Variants in FNIP1 observed in about 807,000 individuals in gnomAD.
The protein encoded by FNIP1 is folliculin interacting protein 1.
A neutral mutation model predicts 124.5 loss-of-function variants in FNIP1; 40 were observed. That is an observed-to-expected ratio of 0.32 (90% CI 0.25 to 0.42). The LOEUF (loss-of-function observed/expected upper bound fraction) is 0.42, where lower values mean the gene tolerates loss of function less well. FNIP1 is among the 10% of genes least tolerant of loss of function. The pLI is 1.00. For missense variants in FNIP1, 1,176 were observed against 1,403.7 expected (o/e 0.84, Z 2.59); for synonymous variants, 472 against 470.6 (o/e 1.00, Z -0.04).
At chr5:131,666,116 T>C (rs932258312) in intron 15 of FNIP1, among the ~76,000 whole-genome samples, 3 of 151,926 alleles carry the variant, frequency 2.0e-5, no homozygotes, top group Admixed American at 1.3e-4. Context: ...CTTGATTTCC[T>C]GACCTCATGA....
At chr5:131,701,251 T>C (rs1768892681) in intron 10 of FNIP1, among the ~76,000 whole-genome samples, 1 of 152,222 alleles carries the variant, frequency 6.6e-6, no homozygotes. Flanking sequence ...GAAAAAATTA[T>C]CTTCTACAAA....
rs564543395 is a variant in FNIP1, at chr5:131,774,202, T to C, written c.92+22628A>G. Among the ~76,000 whole-genome samples, 8 of 152,204 alleles carry C rather than the reference T, an allele frequency of 5.3e-5. No homozygotes were observed. In the South Asian group the frequency reaches 1.2e-3, roughly 24 times the overall value. Reference sequence around the variant, plus strand: ...CCACCATGTCCAACTAATTGTTTTATATTTTGTAGAGACAAAGTTCTCACT... The same window carrying C: ...CCACCATGTCCAACTAATTGTTTTACATTTTGTAGAGACAAAGTTCTCACT... On this transcript the variant is annotated intron_variant, in intron 1 of 17. Transcript: ENST00000510461.
intron 1 of FNIP1, among the ~76,000 whole-genome samples, chr5:131,775,358 A>G (rs961867645): frequency 7.2e-5 from 11 of 152,268 alleles, no homozygotes; most frequent in Non-Finnish European, 1.5e-4. Flanking sequence ...GTAAACATTT[A>G]TCAGTATATA....
chr5:131,762,740 G>C (rs544873976), intron 1 of FNIP1, among the ~76,000 whole-genome samples: 2 of 152,078 alleles, frequency 1.3e-5, no homozygotes, highest in Non-Finnish European at 2.9e-5. Flanking sequence ...CAATCCCACT[G>C]CTAAGCATAT....
Position 131,731,022 on chromosome 5 carries a change from G to C in FNIP1, c.236C>G (p.Ala79Gly), listed in dbSNP as rs1286055420. The C allele has an allele frequency of 2.5e-6, 4 of 1,611,844 alleles. No individual in the cohort carries two copies. Among genetic ancestry groups the C allele is most frequent in the Admixed American group, 1.7e-5 (1 of 59,486 alleles). ...GCATTTCCCAAAGACTTTAACTTGA[G>C]CATCACTGCCGAGTTTCTGAAATAA... ...DISVSKLGSD[A>G]QVKVFGKCCQ... is the part of the protein sequence containing the mutation. The change falls in exon 3 of 18, where the codon GCT becomes GGT. Residue 79 changes from alanine to glycine, a missense_variant. Physicochemically the swap from Ala to Gly is moderately conservative, Grantham distance 60. Transcript: ENST00000510461.
At chr5:131,707,231 A>C (rs1769143148) in intron 8 of FNIP1, among the ~76,000 whole-genome samples, 1 of 152,182 alleles carries the variant, frequency 6.6e-6, no homozygotes, top group African/African-American at 2.4e-5. Flanking sequence ...TAAGAGCTAC[A>C]ACTGCTGATT....
In FNIP1 at chr5:131,679,037, G is replaced by T; in HGVS notation, c.1341C>A (p.Ser447=). Reference sequence around the variant, plus strand: ...AATAAATAAATTCATACTGATTTTTGGAAGCATTTTCCATTAGAAAGGTGA... The same window carrying T: ...AATAAATAAATTCATACTGATTTTTTGAAGCATTTTCCATTAGAAAGGTGA... ...KEFTFLMENA[S]KNQFLPALIT... is the part of the protein sequence containing the mutation. The change falls in exon 12 of 18, where the codon TCC becomes TCA. Residue 447 remains serine, a synonymous_variant. Coordinates refer to ENST00000510461, the MANE Select transcript of FNIP1 (RefSeq NM_133372.3). 1 of 1,601,244 alleles carries T rather than the reference G, an allele frequency of 6.2e-7. No homozygotes were observed. The highest frequency in any genetic ancestry group is 8.5e-7 in the Non-Finnish European group (1 of 1,175,566).
At chr5:131,777,050 A>G (rs1246355725) in intron 1 of FNIP1, among the ~76,000 whole-genome samples, 2 of 152,104 alleles carry the variant, frequency 1.3e-5, no homozygotes, top group Non-Finnish European at 2.9e-5. Context: ...GAAGCAACAT[A>G]GCGAGACTCT....
chr5:131,657,736 C>CAAAA (rs59097834), intron 15 of FNIP1, among the ~76,000 whole-genome samples: 816 of 64,950 alleles, frequency 0.013, 85 homozygotes, highest in Middle Eastern at 0.036. Context: ...GAAAATAAGG[C>CAAAA]AAAAAAAAAA....
chr5:131,670,578 C>G lies in FNIP1; in HGVS notation c.2993G>C (p.Arg998Thr), dbSNP rs755416044. ...TGAGCAGTAGCCACCCAGCAAGGAC[C>G]TCCCGAAGTTGGCAATGTTGGGCTG... ...AVQPNIANFGRSLLGGYCSSY... is the reference protein window; with the variant it reads ...AVQPNIANFGTSLLGGYCSSY... Residue 998 changes from arginine to threonine, a missense_variant, in exon 15 of 18, where the codon AGG becomes ACG. Around this residue, in one of 2 missense-constraint regions of FNIP1, gnomAD observed 1,109 missense variants for 1,288.5 expected, o/e 0.86. Coordinates refer to ENST00000510461, the MANE Select transcript of FNIP1 (RefSeq NM_133372.3). 2 of 1,613,620 alleles carry G rather than the reference C, an allele frequency of 1.2e-6. No homozygotes were observed. The highest frequency in any genetic ancestry group is 1.7e-4 in the Middle Eastern group (1 of 6,060).
chr5:131,696,220 G>T (rs1021844776), intron 11 of FNIP1, among the ~76,000 whole-genome samples: 3 of 152,130 alleles, frequency 2.0e-5, no homozygotes, highest in Non-Finnish European at 4.4e-5. Context: ...AAAGTAGACT[G>T]TACATCAGGA....
chr5:131,705,904 T>C (rs755432138), intron 9 of FNIP1, among the ~76,000 whole-genome samples: 8 of 152,210 alleles, frequency 5.3e-5, no homozygotes, highest in Middle Eastern at 3.2e-3. Flanking sequence ...CAACGGAATG[T>C]TATTCAGTCA....
chr5:131,709,528 T>C (rs1769222081), intron 7 of FNIP1, among the ~76,000 whole-genome samples: 1 of 152,152 alleles, frequency 6.6e-6, no homozygotes, highest in Non-Finnish European at 1.5e-5. Context: ...AAAGTCATAT[T>C]TTGGAAGCAT....
At chr5:131,719,537 A>G (rs980185832) in intron 3 of FNIP1, 120 bp from the exon 4 acceptor site, 3 of 854,594 alleles carry the variant, frequency 3.5e-6, no homozygotes, top group Non-Finnish European at 5.4e-6. Context: ...GTACTTCTAC[A>G]CTGTATACGC....
chr5:131,757,488 T>C (rs1771087381), intron 1 of FNIP1, among the ~76,000 whole-genome samples: 1 of 152,086 alleles, frequency 6.6e-6, no homozygotes, highest in Non-Finnish European at 1.5e-5. Context: ...ATAGGCCTCA[T>C]AAAGAACAGG....
intron 6 of FNIP1, among the ~76,000 whole-genome samples, chr5:131,711,850 A>G (rs1022965143): frequency 2.6e-5 from 4 of 152,222 alleles, no homozygotes; most frequent in African/African-American, 9.7e-5. Flanking sequence ...AAGAACTTCT[A>G]TAATTACAGC....
chr5:131,714,932 A>G (rs1046496390), intron 6 of FNIP1, among the ~76,000 whole-genome samples: 8 of 152,210 alleles, frequency 5.3e-5, no homozygotes, highest in African/African-American at 1.7e-4. Context: ...AGTGCTTGGT[A>G]TATTACAGGT....
chr5:131,647,564 C>G (rs1199893483), intron 16 of FNIP1, among the ~76,000 whole-genome samples: 1 of 152,104 alleles, frequency 6.6e-6, no homozygotes, highest in Non-Finnish European at 1.5e-5. Context: ...ACTTCCGCCT[C>G]CCGGGTTCAA....
chr5:131,747,117 G>T (rs1017990863), intron 1 of FNIP1, among the ~76,000 whole-genome samples: 1 of 152,044 alleles, frequency 6.6e-6, no homozygotes, highest in Admixed American at 6.6e-5. Flanking sequence ...ACTGTTTATT[G>T]GGGTTGTTTT....
Sources: allele counts gnomAD v4.1 joint callset (sites outside exome capture counted in the v4.1 genomes callset), GRCh38; gene constraint gnomAD v4.1.1; regional missense constraint gnomAD v4.1.1; transcripts MANE v1.5; gene names NCBI Gene and HGNC (gene_info 2026-07-23, HGNC 2026-07-21).